Variants in GALNT13 observed in about 807,000 individuals in gnomAD.
GALNT13 encodes the protein polypeptide N-acetylgalactosaminyltransferase 13.
Under a neutral mutation model 64.2 loss-of-function variants are expected in GALNT13, and 28 were observed. The observed-to-expected ratio is 0.44, with a 90% CI of 0.32 to 0.60. The LOEUF is 0.60. GALNT13 is among the 20% of genes least tolerant of loss of function. GALNT13 has a pLI of 0.05. For missense variants in GALNT13, 577 were observed against 669.8 expected (o/e 0.86, Z 1.53); for synonymous variants, 214 against 224.6 (o/e 0.95, Z 0.42).
the GALNT13 span, among the ~76,000 whole-genome samples, chr2:153,164,649 G>A: frequency 6.6e-6 from 1 of 151,522 alleles, no homozygotes; most frequent in Non-Finnish European, 1.5e-5. Flanking sequence ...ATTTTCTTGT[G>A]TTTTTTTTGT....
At position 153,988,063 on chromosome 2, in the gene GALNT13, T is replaced by C. The variant is rs551494846; in HGVS notation, c.142+43424T>C. On this transcript the variant is annotated intron_variant, in intron 3 of 12. Coordinates refer to ENST00000392825, the MANE Select transcript of GALNT13 (RefSeq NM_052917.4). ...ATTTGAGGGTAGGAGGTGACATATA[T>C]ATATATATATACACACACACACACA... 7.1e-3 allele frequency among the ~76,000 whole-genome samples: 988 copies of C among 139,376 alleles called. 6 individuals are homozygous for C. Among genetic ancestry groups the C allele is most frequent in the Non-Finnish European group, 0.012 (709 of 61,294 alleles). 91.4% of individuals were successfully genotyped at this position (139,376 alleles called of 152,430 possible). A position where few individuals can be genotyped will look rare whatever the true frequency, so the allele number is the denominator to read the frequency against.
the GALNT13 span, among the ~76,000 whole-genome samples, chr2:153,494,118 A>G: frequency 1.3e-5 from 2 of 152,058 alleles, no homozygotes; most frequent in African/African-American, 4.8e-5. Context: ...ACTATTGAAC[A>G]TCACTGAGAA....
chr2:153,393,976 ACACACACACACACACC>A, the GALNT13 span, among the ~76,000 whole-genome samples: 297 of 90,180 alleles, frequency 3.3e-3, no homozygotes, highest in African/African-American at 4.2e-3. Context: ...ACACACACAC[ACACACACACACACACC>A]CCCTATTGGT....
chr2:153,629,612 C>G, the GALNT13 span, among the ~76,000 whole-genome samples: 1 of 152,072 alleles, frequency 6.6e-6, no homozygotes, highest in Non-Finnish European at 1.5e-5. Context: ...TCTAAAACAC[C>G]AAAAGCAATG....
At chr2:154,305,405 A>G (rs532831538) in intron 9 of GALNT13, among the ~76,000 whole-genome samples, 33 of 152,124 alleles carry the variant, frequency 2.2e-4, no homozygotes, top group African/African-American at 7.0e-4. Flanking sequence ...ACACACACAC[A>G]CGCGTATTTA....
intron 3 of GALNT13, among the ~76,000 whole-genome samples, chr2:154,074,433 GT>G (rs1193669434): frequency 6.6e-6 from 1 of 151,812 alleles, no homozygotes. Flanking sequence ...ACATAATTTT[GT>G]TTTCTTTTCA....
At chr2:154,416,618 A>C (rs1179374225) in intron 11 of GALNT13, among the ~76,000 whole-genome samples, 1 of 152,170 alleles carries the variant, frequency 6.6e-6, no homozygotes, top group African/African-American at 2.4e-5. Flanking sequence ...AAAATATCCA[A>C]AGAAAAGAAA....
the GALNT13 span, among the ~76,000 whole-genome samples, chr2:153,620,642 A>C: frequency 3.3e-4 from 50 of 151,868 alleles, no homozygotes; most frequent in Non-Finnish European, 1.2e-4. Context: ...TGTTAAATTT[A>C]TCTGATAGAA....
At chr2:154,053,185 A>G (rs1699730857) in intron 3 of GALNT13, among the ~76,000 whole-genome samples, 1 of 152,220 alleles carries the variant, frequency 6.6e-6, no homozygotes, top group Admixed American at 6.5e-5. Context: ...ATATAATAAG[A>G]AAGAACACTG....
chr2:153,671,098 G>A, the GALNT13 span, among the ~76,000 whole-genome samples: 1 of 152,156 alleles, frequency 6.6e-6, no homozygotes, highest in Non-Finnish European at 1.5e-5. Flanking sequence ...AAGTGACGGG[G>A]AGAATGGAAC....
At chr2:154,153,503 C>T (rs565817327) in intron 4 of GALNT13, among the ~76,000 whole-genome samples, 1 of 152,316 alleles carries the variant, frequency 6.6e-6, no homozygotes, top group African/African-American at 2.4e-5. Context: ...TTACTGGTGT[C>T]TTTTTGTTTG....
chr2:154,418,584 GGAGGGAAAGAGGCCCTGCTGATAC>G (rs1700125782), intron 11 of GALNT13, among the ~76,000 whole-genome samples: 1 of 152,138 alleles, frequency 6.6e-6, no homozygotes, highest in South Asian at 2.1e-4. Context: ...CAGACCCTCT[GGAGGGAAAGAGGCCCTGCTGATAC>G]CTGATTCCCA....
At chr2:153,783,697 C>A in the GALNT13 span, among the ~76,000 whole-genome samples, 8 of 152,106 alleles carry the variant, frequency 5.3e-5, no homozygotes, top group African/African-American at 1.9e-4. Flanking sequence ...GGAACAGTTT[C>A]TCCCATACTG....
the GALNT13 span, among the ~76,000 whole-genome samples, chr2:153,594,146 A>G: frequency 6.6e-6 from 1 of 152,098 alleles, no homozygotes; most frequent in Non-Finnish European, 1.5e-5. Context: ...ATGAATGTGA[A>G]AAACATTTCC....
the GALNT13 span, among the ~76,000 whole-genome samples, chr2:153,311,730 G>C: frequency 6.6e-6 from 1 of 152,188 alleles, no homozygotes; most frequent in African/African-American, 2.4e-5. Context: ...GAGAGAATGA[G>C]ACTGCACTCA....
At chr2:153,227,076 A>G in the GALNT13 span, among the ~76,000 whole-genome samples, 4 of 152,236 alleles carry the variant, frequency 2.6e-5, no homozygotes, top group African/African-American at 9.6e-5. Flanking sequence ...GTAGGAGATC[A>G]CATCATGTGA....
the GALNT13 span, among the ~76,000 whole-genome samples, chr2:153,148,764 T>C: frequency 6.6e-6 from 1 of 151,924 alleles, no homozygotes; most frequent in Non-Finnish European, 1.5e-5. Flanking sequence ...CAGAATGTTA[T>C]TTCTAATGGC....
chr2:154,184,549 T>C (rs1447577255), intron 4 of GALNT13, among the ~76,000 whole-genome samples: 1 of 152,162 alleles, frequency 6.6e-6, no homozygotes, highest in Non-Finnish European at 1.5e-5. Flanking sequence ...ATTTACAGTT[T>C]CCTCTTTGTG....
intron 9 of GALNT13, among the ~76,000 whole-genome samples, chr2:154,303,272 G>A (rs1269918856): frequency 1.3e-5 from 2 of 152,022 alleles, no homozygotes; most frequent in South Asian, 2.1e-4. Context: ...TTTATAGGCA[G>A]GCTTGAGGGG....
Sources: allele counts gnomAD v4.1 joint callset (sites outside exome capture counted in the v4.1 genomes callset), GRCh38; gene constraint gnomAD v4.1.1; transcripts MANE v1.5; gene names NCBI Gene and HGNC (gene_info 2026-07-23, HGNC 2026-07-21).